CNBD1: variants seen among roughly 807,000 people sequenced by gnomAD.
CNBD1 encodes the protein cyclic nucleotide binding domain containing 1.
CNBD1 carries 71 observed loss-of-function variants against 54.4 expected under a neutral mutation model. The ratio of observed to expected loss-of-function variants is 1.30; its 90% CI spans 1.08 to 1.59. The LOEUF is 1.59. CNBD1 is among the 40% of genes most tolerant of loss of function. The probability of loss-of-function intolerance (pLI) is 0.00; values close to 1 mark genes in which losing one functional copy is unlikely to be tolerated. For missense variants in CNBD1, 659 were observed against 518.0 expected (o/e 1.27, Z -2.64); for synonymous variants, 182 against 170.7 (o/e 1.07, Z -0.51).
At chr8:87,235,998 C>T (rs1221446381) in intron 5 of CNBD1, among the ~76,000 whole-genome samples, 2 of 151,938 alleles carry the variant, frequency 1.3e-5, no homozygotes, top group Admixed American at 1.3e-4. Flanking sequence ...AAGAAAGTCA[C>T]ACTAATAAGC....
Position 87,310,276 on chromosome 8 carries a change from C to T in CNBD1, c.1042+23605C>T, listed in dbSNP as rs558677124. Among the ~76,000 whole-genome samples the T allele has an allele frequency of 1.6e-4, 24 of 152,046 alleles. No individual in the cohort carries two copies. The South Asian group carries it at 4.4e-3, about 28-fold the overall frequency. On this transcript the variant is annotated intron_variant, in intron 8 of 10. Coordinates refer to ENST00000518476, the MANE Select transcript of CNBD1 (RefSeq NM_173538.3). ...AAGCTGAGGTGGGAAGATCACTTGA[C>T]CCCAGGAGGTAGAGGGTGCATTGAG...
At chr8:87,285,511 G>A (rs1808677339) in intron 7 of CNBD1, among the ~76,000 whole-genome samples, 1 of 152,142 alleles carries the variant, frequency 6.6e-6, no homozygotes, top group Non-Finnish European at 1.5e-5. Flanking sequence ...GCCGAGGAGG[G>A]TGTATCACCT....
At chr8:86,871,431 C>T (rs1264009325) in intron 1 of CNBD1, among the ~76,000 whole-genome samples, 1 of 152,208 alleles carries the variant, frequency 6.6e-6, no homozygotes, top group East Asian at 1.9e-4. Flanking sequence ...TCTGATAGGA[C>T]GATTAAACTT....
chr8:87,327,811 C>T lies in CNBD1; in HGVS notation c.1043-23874C>T, dbSNP rs138281850. On this transcript the variant is annotated intron_variant, in intron 8 of 10. Transcript: ENST00000518476. ...GTAGACCGGAGCTGTTCCTATTCGG[C>T]CATCTTGGCTCCTCCCCCTTTTCTT... 3.3e-4 allele frequency among the ~76,000 whole-genome samples: 50 copies of T among 152,286 alleles called. No homozygotes were observed. In the East Asian group the frequency reaches 3.7e-3, roughly 11 times the overall value.
At chr8:87,244,781 A>C (rs1319348424) in intron 6 of CNBD1, among the ~76,000 whole-genome samples, 7 of 152,144 alleles carry the variant, frequency 4.6e-5, no homozygotes, top group African/African-American at 1.7e-4. Context: ...AATAAGAATA[A>C]ATTAAATTAA....
At chr8:87,171,976 C>G (rs2130769274) in intron 4 of CNBD1, among the ~76,000 whole-genome samples, 1 of 152,164 alleles carries the variant, frequency 6.6e-6, no homozygotes, top group Non-Finnish European at 1.5e-5. Flanking sequence ...CTATACACTT[C>G]CTTCTTGGTA....
chr8:87,221,136 C>T (rs1443006895), intron 5 of CNBD1, among the ~76,000 whole-genome samples: 1 of 152,052 alleles, frequency 6.6e-6, no homozygotes, highest in Non-Finnish European at 1.5e-5. Flanking sequence ...ATGGTTTTCT[C>T]ATACATTATT....
intron 2 of CNBD1, among the ~76,000 whole-genome samples, chr8:86,903,905 G>T (rs552248344): frequency 6.6e-6 from 1 of 151,704 alleles, no homozygotes; most frequent in Admixed American, 6.6e-5. Context: ...TAAATCAGTG[G>T]TCAGATTTTA....
chr8:87,226,851 C>T (rs1814510879), intron 5 of CNBD1, among the ~76,000 whole-genome samples: 1 of 151,186 alleles, frequency 6.6e-6, no homozygotes, highest in South Asian at 2.1e-4. Context: ...GTTAAAGTCT[C>T]CCATTATTAA....
chr8:87,268,047 C>T (rs1325464473), intron 6 of CNBD1, among the ~76,000 whole-genome samples: 2 of 152,016 alleles, frequency 1.3e-5, no homozygotes, highest in African/African-American at 2.4e-5. Flanking sequence ...TATGAATGGT[C>T]CCATCACCCA....
At chr8:86,989,747 G>A (rs1312949697) in intron 4 of CNBD1, among the ~76,000 whole-genome samples, 1 of 152,038 alleles carries the variant, frequency 6.6e-6, no homozygotes, top group East Asian at 1.9e-4. Flanking sequence ...CACCATGCCT[G>A]GCTAGTTTTA....
At chr8:87,393,473 C>CT (rs1052785794) in intron 2 of CNBD1, among the ~76,000 whole-genome samples, 1 of 151,900 alleles carries the variant, frequency 6.6e-6, no homozygotes, top group African/African-American at 2.4e-5. Context: ...CATGAGTTCA[C>CT]TTTTTTTACA....
chr8:87,327,755 C>A (rs1242544091), intron 8 of CNBD1, among the ~76,000 whole-genome samples: 1 of 152,170 alleles, frequency 6.6e-6, no homozygotes, highest in African/African-American at 2.4e-5. Context: ...GCAGAAATCA[C>A]CCGTCTTCTG....
At chr8:86,979,877 A>G (rs903118877) in intron 4 of CNBD1, among the ~76,000 whole-genome samples, 1 of 152,194 alleles carries the variant, frequency 6.6e-6, no homozygotes, top group Non-Finnish European at 1.5e-5. Context: ...CAATATGATA[A>G]CATCGTAGAT....
At chr8:87,024,474 G>T (rs1397082670) in intron 4 of CNBD1, among the ~76,000 whole-genome samples, 2 of 151,622 alleles carry the variant, frequency 1.3e-5, no homozygotes, top group African/African-American at 2.4e-5. Flanking sequence ...CCAAGTAGCT[G>T]GGATTACAGA....
At chr8:86,961,018 G>A (rs796775944) in intron 4 of CNBD1, among the ~76,000 whole-genome samples, 1 of 152,106 alleles carries the variant, frequency 6.6e-6, no homozygotes, top group African/African-American at 2.4e-5. Flanking sequence ...TTTCTGACTT[G>A]CATAATTTAG....
At chr8:87,332,977 C>G (rs1402202485) in intron 8 of CNBD1, among the ~76,000 whole-genome samples, 2 of 152,100 alleles carry the variant, frequency 1.3e-5, no homozygotes, top group Non-Finnish European at 2.9e-5. Flanking sequence ...TGGTCATTTT[C>G]ATGATCTTGA....
At chr8:86,922,260 C>G (rs1809286870) in intron 3 of CNBD1, among the ~76,000 whole-genome samples, 2 of 151,884 alleles carry the variant, frequency 1.3e-5, no homozygotes, top group Admixed American at 1.3e-4. Context: ...TAAATGATCT[C>G]CCCCATGGGT....
intron 4 of CNBD1, among the ~76,000 whole-genome samples, chr8:87,024,307 T>A (rs1176212455): frequency 6.6e-6 from 1 of 151,394 alleles, no homozygotes; most frequent in Non-Finnish European, 1.5e-5. Flanking sequence ...TAGGGATTTT[T>A]AAAATTTATT....
Sources: allele counts gnomAD v4.1 joint callset (sites outside exome capture counted in the v4.1 genomes callset), GRCh38; gene constraint gnomAD v4.1.1; transcripts MANE v1.5; gene names NCBI Gene and HGNC (gene_info 2026-07-23, HGNC 2026-07-21).